Variants in MRPL42 observed in about 807,000 individuals in gnomAD.
The protein encoded by MRPL42 is mitochondrial ribosomal protein L42.
Under a neutral mutation model 17.9 loss-of-function variants are expected in MRPL42, and 17 were observed. The ratio of observed to expected loss-of-function variants is 0.95; its 90% CI spans 0.65 to 1.42. The LOEUF is 1.42. Ranked by LOEUF, MRPL42 falls within the 40% of genes most tolerant of loss-of-function variation. The probability of loss-of-function intolerance (pLI) is 0.00; values close to 1 mark genes in which losing one functional copy is unlikely to be tolerated. For missense variants in MRPL42, 177 were observed against 175.2 expected, an observed-to-expected ratio of 1.01 and a Z score of -0.06; for synonymous variants, 59 against 54.4, an observed-to-expected ratio of 1.08 and a Z score of -0.37.
At position 93,515,925 on chromosome 12, in the gene MRPL42, A is replaced by G. The variant is rs1474382473; in HGVS notation, c.*14704A>G. 1 of 152,224 alleles carries G rather than the reference A, an allele frequency of 6.6e-6. No individual in the cohort carries two copies. The highest frequency in any genetic ancestry group is 1.5e-5 in the Non-Finnish European group (1 of 68,056). 9.4% of individuals were successfully genotyped at this position (152,224 alleles called of 1,614,324 possible). The stretch of plus-strand genomic sequence containing the variant: ...GTCATGGTGCCATCCAGAAAATACC[A>G]AAAATCACCCTCTCTCAGCTAAAAT... On this transcript the variant is annotated 3_prime_UTR_variant, in exon 6 of 6. Coordinates refer to ENST00000549982, the MANE Select transcript of MRPL42 (RefSeq NM_014050.4).
Position 93,502,671 on chromosome 12 carries a change from GGT to G in MRPL42, c.*1453_*1454del, listed in dbSNP as rs1953612203. 6.6e-6 allele frequency: 1 copy of G among 152,096 alleles called. No homozygotes were observed. Among genetic ancestry groups the G allele is most frequent in the Admixed American group, 6.6e-5 (1 of 15,256 alleles). The allele number at this position is 152,096 out of a possible 1,614,324, so 9.4% of individuals were successfully genotyped here. A position where few individuals can be genotyped will look rare whatever the true frequency, so the allele number is the denominator to read the frequency against. On this transcript the variant is annotated 3_prime_UTR_variant, in exon 6 of 6. Coordinates refer to ENST00000549982, the MANE Select transcript of MRPL42 (RefSeq NM_014050.4). ...AGAAATATTTACCAGCTTTGTCGATGGTGTATTCTTGAAAAATGTTTGGTTTT... is the reference window on the plus strand; with the variant it reads ...AGAAATATTTACCAGCTTTGTCGATGGTATTCTTGAAAAATGTTTGGTTTT...
In MRPL42 at chr12:93,469,321, G is replaced by A. The variant is rs774565467; in HGVS notation, c.36G>A (p.Lys12=). The A allele has an allele frequency of 6.2e-7, 1 of 1,611,868 alleles. No homozygotes were observed. The highest frequency in any genetic ancestry group is 8.5e-7 in the Non-Finnish European group (1 of 1,179,340). Residue 12 remains lysine, a synonymous_variant, in exon 2 of 6, where the codon AAG becomes AAA. Transcript: ENST00000549982. ...AVAAVKWVMS[K]RTILKHLFPV... ...CTGCAGTAAAATGGGTGATGTCAAA[G>A]AGAACTATCTTGAAACATTTATTTC...
chr12:93,484,995 T>C lies in MRPL42; in HGVS notation c.220-2502T>C, dbSNP rs868269549. Among the ~76,000 whole-genome samples, 125 of 60,800 alleles carry C rather than the reference T, an allele frequency of 2.1e-3. 17 individuals carry two copies. The highest frequency in any genetic ancestry group is 0.014 in the East Asian group (31 of 2,288). The allele number at this position is 60,800 out of a possible 152,430, so 39.9% of individuals were successfully genotyped here. On this transcript the variant is annotated intron_variant, in intron 4 of 5. Coordinates refer to ENST00000549982, the MANE Select transcript of MRPL42 (RefSeq NM_014050.4). ...ACACACACACATATATATATATATA[T>C]ATATATATATATATATATATATATA... is the stretch of plus-strand genomic sequence containing the variant.
At chr12:93,475,338 A>G (rs1318146914) in intron 2 of MRPL42, among the ~76,000 whole-genome samples, 1 of 150,542 alleles carries the variant, frequency 6.6e-6, no homozygotes, top group Non-Finnish European at 1.5e-5. Flanking sequence ...CTGGTCTTGA[A>G]CTCCTGACCT....
chr12:93,500,066 A>G (rs1036170569), intron 5 of MRPL42, among the ~76,000 whole-genome samples: 1 of 152,188 alleles, frequency 6.6e-6, no homozygotes, highest in Non-Finnish European at 1.5e-5. Context: ...AGAGGAGCAA[A>G]AAGAATTCTC....
intron 5 of MRPL42, among the ~76,000 whole-genome samples, chr12:93,490,490 G>GT (rs1208059189): frequency 6.6e-6 from 1 of 152,172 alleles, no homozygotes; most frequent in Admixed American, 6.6e-5. Context: ...CCTTGTAGAT[G>GT]TATCATCTTG....
At chr12:93,474,255 G>C (rs1374810493) in intron 2 of MRPL42, among the ~76,000 whole-genome samples, 2 of 151,764 alleles carry the variant, frequency 1.3e-5, no homozygotes, top group Admixed American at 1.3e-4. Flanking sequence ...TATATTCAGA[G>C]ATACAAAATT....
At chr12:93,469,979 CTTT>C (rs5800107) in intron 2 of MRPL42, among the ~76,000 whole-genome samples, 12 of 145,850 alleles carry the variant, frequency 8.2e-5, no homozygotes, top group Admixed American at 2.1e-4. Context: ...GTATTTCTCT[CTTT>C]TTTTTTTTTT....
chr12:93,512,224 G>A lies in MRPL42; in HGVS notation c.*11003G>A, dbSNP rs1953731847. The A allele has an allele frequency of 6.6e-6, 1 of 152,262 alleles. No homozygotes were observed. Among genetic ancestry groups the A allele is most frequent in the African/African-American group, 2.4e-5 (1 of 41,446 alleles). The allele number at this position is 152,262 out of a possible 1,614,324, so 9.4% of individuals were successfully genotyped here. On this transcript the variant is annotated 3_prime_UTR_variant, in exon 6 of 6. Coordinates refer to ENST00000549982, the MANE Select transcript of MRPL42 (RefSeq NM_014050.4). ...CCCAGCACTTTGGGAGGCCGAGGCAGGCGGATCACCTGAGGTCAGAGGTTC... is the reference window on the plus strand; with the variant it reads ...CCCAGCACTTTGGGAGGCCGAGGCAAGCGGATCACCTGAGGTCAGAGGTTC...
At chr12:93,484,989 T>TAC (rs1483162890) in intron 4 of MRPL42, among the ~76,000 whole-genome samples, 1,921 of 21,294 alleles carry the variant, frequency 0.09, 302 homozygotes, top group East Asian at 0.11. Flanking sequence ...CATATATATA[T>TAC]ATATATATAT....
At chr12:93,487,827 C>T (rs12822552) in intron 5 of MRPL42, 167 bp downstream of exon 5, 67,787 of 559,180 alleles carry the variant, frequency 0.12, 4,754 homozygotes, top group African/African-American at 0.21. Context: ...GACAGGATCT[C>T]GCTCTGTCAC....
chr12:93,513,242 C>G lies in MRPL42; in HGVS notation c.*12021C>G, dbSNP rs1953742302. 7.3e-6 allele frequency: 1 copy of G among 136,538 alleles called. No individual in the cohort carries two copies. The allele number at this position is 136,538 out of a possible 1,614,324, so 8.5% of individuals were successfully genotyped here. Reference sequence around the variant, plus strand: ...GGTCTCATTCATTTTATTGCCCAGGCTGGAGTGCAGTGGTGCAATCGTAGC... The same window carrying G: ...GGTCTCATTCATTTTATTGCCCAGGGTGGAGTGCAGTGGTGCAATCGTAGC... On this transcript the variant is annotated 3_prime_UTR_variant, in exon 6 of 6. Transcript: ENST00000549982.
At chr12:93,492,582 T>C (rs3952437) in intron 5 of MRPL42, among the ~76,000 whole-genome samples, 85 of 151,774 alleles carry the variant, frequency 5.6e-4, no homozygotes, top group Non-Finnish European at 7.8e-4. Flanking sequence ...ATAGGTGTTT[T>C]TCTGGGCAGT....
rs994866613 is a variant in MRPL42 at position 93,511,938 on chromosome 12, A to G, written c.*10717A>G. ...AAGTCTTGGTAGAAAAAGCATATCA[A>G]CTGAACTGTACAGTGTGTTCAGTGA... is the stretch of plus-strand genomic sequence containing the variant. On this transcript the variant is annotated 3_prime_UTR_variant, in exon 6 of 6. Transcript: ENST00000549982. 5 of 152,242 alleles carry G rather than the reference A, an allele frequency of 3.3e-5. No individual in the cohort carries two copies. The highest frequency in any genetic ancestry group is 1.9e-4 in the East Asian group (1 of 5,206). The allele number at this position is 152,242 out of a possible 1,614,324, so 9.4% of individuals were successfully genotyped here. A position where few individuals can be genotyped will look rare whatever the true frequency, so the allele number is the denominator to read the frequency against.
intron 5 of MRPL42, among the ~76,000 whole-genome samples, chr12:93,496,123 A>G (rs192157128): frequency 6.6e-4 from 101 of 152,264 alleles, no homozygotes; most frequent in Non-Finnish European, 1.1e-3. Flanking sequence ...CAGTTGCACA[A>G]TCTCAGCTAA....
chr12:93,491,036 GCACAT>G (rs1373037491), intron 5 of MRPL42, among the ~76,000 whole-genome samples: 3 of 152,056 alleles, frequency 2.0e-5, no homozygotes, highest in Non-Finnish European at 4.4e-5. Context: ...GACTACAGGT[GCACAT>G]CACCATGCCT....
rs962693665 is a variant in MRPL42, at chr12:93,504,686, C to T, written c.*3465C>T. 1 of 152,138 alleles carries T rather than the reference C, an allele frequency of 6.6e-6. No individual in the cohort carries two copies. The highest frequency in any genetic ancestry group is 1.5e-5 in the Non-Finnish European group (1 of 68,038). 9.4% of individuals were successfully genotyped at this position (152,138 alleles called of 1,614,324 possible). ...TGCAGCCCTTTACCATAATGTGTTTCTTCTACCTCCCCTGCACAACATTGT... is the reference window on the plus strand; with the variant it reads ...TGCAGCCCTTTACCATAATGTGTTTTTTCTACCTCCCCTGCACAACATTGT... On this transcript the variant is annotated 3_prime_UTR_variant, in exon 6 of 6. Coordinates refer to ENST00000549982, the MANE Select transcript of MRPL42 (RefSeq NM_014050.4).
intron 2 of MRPL42, among the ~76,000 whole-genome samples, chr12:93,475,848 G>C: frequency 6.6e-6 from 1 of 151,928 alleles, no homozygotes; most frequent in Non-Finnish European, 1.5e-5. Flanking sequence ...GCCAGGCGTG[G>C]TGGGGGCCTG....
rs1470008167 is a variant in MRPL42, at chr12:93,489,434, C to T, written c.383+1774C>T. 2.0e-5 allele frequency among the ~76,000 whole-genome samples: 3 copies of T among 152,034 alleles called. No homozygotes were observed. The East Asian group carries it at 5.8e-4, about 29-fold the overall frequency. ...AAGTGATTTTTTTGTATCATTTTCCCAAGGAAAAATATTGATTTTTTGGGG... is the reference window on the plus strand; with the variant it reads ...AAGTGATTTTTTTGTATCATTTTCCTAAGGAAAAATATTGATTTTTTGGGG... On this transcript the variant is annotated intron_variant, in intron 5 of 5. Coordinates refer to ENST00000549982, the MANE Select transcript of MRPL42 (RefSeq NM_014050.4).
Sources: gnomAD v4.1 joint callset for allele counts (sites outside exome capture counted in the v4.1 genomes callset) on GRCh38, gnomAD v4.1.1 for gene constraint, MANE v1.5 for transcripts, NCBI Gene and HGNC (gene_info 2026-07-23, HGNC 2026-07-21) for gene names.